The following SDK2 variants were observed in gnomAD, a reference collection of about 807,000 sequenced individuals.
SDK2 encodes the protein protein sidekick-2.
A neutral mutation model predicts 253.9 loss-of-function variants in SDK2; 105 were observed. That is an observed-to-expected ratio of 0.41 (90% CI 0.35 to 0.49). The LOEUF (loss-of-function observed/expected upper bound fraction) is 0.49. Among genes scored for constraint, SDK2 ranks in the 20% least tolerant of loss-of-function variants. The pLI is 0.06. For missense variants in SDK2, 2,608 were observed against 3,003.0 expected (o/e 0.87, Z 3.07); for synonymous variants, 1,249 against 1,234.9 (o/e 1.01, Z -0.24).
At chr17:73,439,121 G>A (rs1015370867) in intron 6 of SDK2, among the ~76,000 whole-genome samples, 1 of 152,058 alleles carries the variant, frequency 6.6e-6, no homozygotes, top group Admixed American at 6.5e-5. Context: ...GTGAGGGCTG[G>A]TTGTTTAAAG....
chr17:73,578,102 C>T (rs1416630467), intron 1 of SDK2, among the ~76,000 whole-genome samples: 1 of 151,214 alleles, frequency 6.6e-6, no homozygotes, highest in Non-Finnish European at 1.5e-5. Context: ...CTCTGTCACC[C>T]AGGCTGGAGT....
intron 29 of SDK2, among the ~76,000 whole-genome samples, chr17:73,389,382 C>T (rs2062907593): frequency 6.6e-6 from 1 of 151,968 alleles, no homozygotes; most frequent in African/African-American, 2.4e-5. Flanking sequence ...CGAGGTTTCA[C>T]CACGTTGGCC....
Position 73,434,609 on chromosome 17 carries a change from T to G in SDK2, c.1196-761A>C, listed in dbSNP as rs1266557546. Among the ~76,000 whole-genome samples the G allele has an allele frequency of 2.0e-5, 3 of 152,198 alleles. No individual in the cohort carries two copies. In the East Asian group the frequency reaches 5.8e-4, roughly 29 times the overall value. On this transcript the variant is annotated intron_variant, in intron 9 of 44. Coordinates refer to ENST00000392650, the MANE Select transcript of SDK2 (RefSeq NM_001144952.2). ...CCAGTGCTTTGCATTTACACAGACC[T>G]TTGAGCTTATGGGCCACTCACAGTA...
intron 1 of SDK2, among the ~76,000 whole-genome samples, chr17:73,610,960 G>A (rs1027517290): frequency 2.0e-5 from 3 of 152,182 alleles, no homozygotes; most frequent in Non-Finnish European, 4.4e-5. Flanking sequence ...TGAACACAAG[G>A]ATCTGTCAGA....
intron 1 of SDK2, among the ~76,000 whole-genome samples, chr17:73,617,230 G>A (rs28526645): frequency 1.4e-5 from 2 of 145,916 alleles, no homozygotes; most frequent in Non-Finnish European, 3.0e-5. Context: ...GAGGGCTCCC[G>A]CAGAGGGGAG....
chr17:73,346,864 G>T (rs965180102), intron 44 of SDK2, among the ~76,000 whole-genome samples: 1 of 152,208 alleles, frequency 6.6e-6, no homozygotes, highest in Non-Finnish European at 1.5e-5. Flanking sequence ...AAACCGAGGG[G>T]CCCTGGCCTG....
chr17:73,517,767 C>T (rs558841693), intron 1 of SDK2: 1 of 152,362 alleles, frequency 6.6e-6, no homozygotes, highest in East Asian at 1.9e-4. Flanking sequence ...GAAGGAAGTC[C>T]GAGCCCTGCC....
chr17:73,571,643 G>A (rs1046973351), intron 1 of SDK2, among the ~76,000 whole-genome samples: 8 of 152,352 alleles, frequency 5.3e-5, no homozygotes, highest in Admixed American at 3.3e-4. Flanking sequence ...GAGGAGCTCC[G>A]AGAGCTCTCC....
At chr17:73,469,981 T>TGCGCGC (rs10622822) in intron 3 of SDK2, among the ~76,000 whole-genome samples, 1,783 of 129,514 alleles carry the variant, frequency 0.014, 15 homozygotes, top group Non-Finnish European at 0.017. Flanking sequence ...CATTTGCGAC[T>TGCGCGC]GCGCGCGCGC....
chr17:73,567,192 G>A (rs1489126226), intron 1 of SDK2, among the ~76,000 whole-genome samples: 1 of 152,202 alleles, frequency 6.6e-6, no homozygotes, highest in Admixed American at 6.5e-5. Flanking sequence ...TGCATCCCTG[G>A]CTGCTTCAGC....
In SDK2 at chr17:73,472,156, C is replaced by T. The variant is rs1054681793; in HGVS notation, c.287G>A (p.Arg96Gln). The T allele has an allele frequency of 1.7e-5, 27 of 1,551,668 alleles. No homozygotes were observed. The highest frequency in any genetic ancestry group is 5.9e-5 in the South Asian group (5 of 84,054). Residue 96 changes from arginine to glutamine, a missense_variant, in exon 3 of 45, where the codon CGA (arginine) becomes CAA (glutamine). Physicochemically the swap from Arg to Gln is conservative, Grantham distance 43. Transcript: ENST00000392650. ...AGFYRCIVRNRMGALLQRQTE... is the reference protein window; with the variant it reads ...AGFYRCIVRNQMGALLQRQTE... ...TTGCCGCTGCAGCAGGGCCCCCATT[C>T]GGTTCCGCACGATGCAACGGTAAAA...
At position 73,435,527 on chromosome 17, in the gene SDK2, T is replaced by G. The variant is rs1231469854; in HGVS notation, c.1118A>C (p.Asp373Ala). The change falls in exon 9 of 45, where the codon GAT becomes GCT. Residue 373 changes from aspartate to alanine, a missense_variant. Physicochemically the swap from Asp to Ala is moderately radical, Grantham distance 126 (BLOSUM62 -2). This residue lies in a region of SDK2 where 1,505 missense variants were observed against 1,859.1 expected (regional missense o/e 0.81). Transcript: ENST00000392650. The surrounding 1 kb of genome is among the most constrained non-coding windows in gnomAD (Gnocchi z 5.7). Reference protein sequence around the residue: ...GGLQISGLVPDDTGMFQCFAR... With the variant: ...GGLQISGLVPADTGMFQCFAR... ...GAAGCACTGGAACATGCCGGTATCATCGGGCACCAGGCCGCTGATCTGCAG... is the reference window on the plus strand; with the variant it reads ...GAAGCACTGGAACATGCCGGTATCAGCGGGCACCAGGCCGCTGATCTGCAG... 1.9e-6 allele frequency: 3 copies of G among 1,599,642 alleles called. No individual in the cohort carries two copies. The highest frequency in any genetic ancestry group is 2.6e-6 in the Non-Finnish European group (3 of 1,173,612).
intron 1 of SDK2, among the ~76,000 whole-genome samples, chr17:73,586,292 TATTTA>T (rs1326832302): frequency 1.3e-5 from 2 of 152,114 alleles, no homozygotes; most frequent in African/African-American, 4.8e-5. Flanking sequence ...TGTTGCTCTT[TATTTA>T]TTTATATTCT....
intron 2 of SDK2, among the ~76,000 whole-genome samples, chr17:73,502,129 T>A (rs1262015609): frequency 1.3e-5 from 2 of 151,684 alleles, no homozygotes; most frequent in African/African-American, 4.9e-5. Flanking sequence ...ACCAGACCCA[T>A]TTGGCTACAG....
intron 1 of SDK2, among the ~76,000 whole-genome samples, chr17:73,527,717 C>T (rs879936050): frequency 6.6e-6 from 1 of 152,148 alleles, no homozygotes; most frequent in African/African-American, 2.4e-5. Flanking sequence ...GTAGGTGTGC[C>T]GGCTGAGAGT....
Position 73,643,698 on chromosome 17 carries a change from C to G in SDK2, c.64+327G>C, listed in dbSNP as rs1359428940. ...GAGCGTGGAGCCCGGCACGGAATGT[C>G]GCTCCCCTCCCAAGCCGGCGCAGGG... On this transcript the variant is annotated intron_variant, in intron 1 of 44. Coordinates refer to ENST00000392650, the MANE Select transcript of SDK2 (RefSeq NM_001144952.2). The surrounding 1 kb of genome is among the most constrained non-coding windows in gnomAD (Gnocchi z 6.9). Among the ~76,000 whole-genome samples the G allele has an allele frequency of 6.6e-6, 1 of 152,052 alleles. No homozygotes were observed. Among genetic ancestry groups the G allele is most frequent in the East Asian group, 1.9e-4 (1 of 5,136 alleles).
rs114563453 is a variant in SDK2 at position 73,613,073 on chromosome 17, T to C, written c.64+30952A>G. On this transcript the variant is annotated intron_variant, in intron 1 of 44. Transcript: ENST00000392650. ...TTATAGATGAACAAACACACCAAGG[T>C]CCTGCTCAAGTTGATGCGGGAGGAA... is the stretch of plus-strand genomic sequence containing the variant. Among the ~76,000 whole-genome samples the C allele has an allele frequency of 5.9e-3, 891 of 152,248 alleles. 10 individuals carry two copies. Among genetic ancestry groups the C allele is most frequent in the African/African-American group, 0.021 (864 of 41,532 alleles).
intron 1 of SDK2, among the ~76,000 whole-genome samples, chr17:73,621,594 A>G (rs2046133543): frequency 6.6e-6 from 1 of 151,832 alleles, no homozygotes; most frequent in Admixed American, 6.6e-5. Context: ...ATATAAATAT[A>G]ACTTTTTTAT....
At chr17:73,389,907 G>C (rs898348224) in intron 29 of SDK2, among the ~76,000 whole-genome samples, 22 of 152,108 alleles carry the variant, frequency 1.4e-4, no homozygotes, top group African/African-American at 4.8e-4. Flanking sequence ...GTGCCACCAC[G>C]CTGGCTAATT....
Sources: allele counts gnomAD v4.1 joint callset (sites outside exome capture counted in the v4.1 genomes callset), GRCh38; gene constraint gnomAD v4.1.1; regional missense constraint gnomAD v4.1.1; non-coding constraint Gnocchi (gnomAD v3.1); transcripts MANE v1.5; gene names NCBI Gene and HGNC (gene_info 2026-07-23, HGNC 2026-07-21).